SLC9A8: variants seen among roughly 807,000 people sequenced by gnomAD.
SLC9A8 encodes solute carrier family 9 member A8.
A neutral mutation model predicts 66.6 loss-of-function variants in SLC9A8; 48 were observed. The observed-to-expected ratio is 0.72, with a 90% CI of 0.57 to 0.92. The LOEUF (loss-of-function observed/expected upper bound fraction) is 0.92, where lower values mean the gene tolerates loss of function less well. Ranked by LOEUF, SLC9A8 falls within the 40% of genes least tolerant of loss-of-function variation. The probability of loss-of-function intolerance (pLI) is 0.00; values close to 1 mark genes in which losing one functional copy is unlikely to be tolerated. For missense variants in SLC9A8, 599 were observed against 747.3 expected (o/e 0.80, Z 2.31); for synonymous variants, 274 against 282.6 (o/e 0.97, Z 0.31).
rs1162576578 is a variant in SLC9A8, at chr20:49,874,801, G to C, written c.1055G>C (p.Arg352Pro). ...CAGATCCTCATGCAGCAGACCCTCC[G>C]CACCGTGGCCTTCTTATGTGGTGAG... ...VTQILMQQTL[R>P]TVAFLCETCV... Residue 352 changes from arginine to proline, a missense_variant, in exon 11 of 16, where the codon CGC (arginine) becomes CCC (proline). Arg to Pro is a moderately radical substitution (Grantham distance 103). Around this residue, in one of 2 missense-constraint regions of SLC9A8, gnomAD observed 467 missense variants for 626.5 expected, o/e 0.75. Transcript: ENST00000361573. 1 of 1,612,502 alleles carries C rather than the reference G, an allele frequency of 6.2e-7. No homozygotes were observed. Among genetic ancestry groups the C allele is most frequent in the Non-Finnish European group, 8.5e-7 (1 of 1,178,650 alleles).
intron 8 of SLC9A8, 85 bp downstream of exon 8, chr20:49,855,666 CA>C: frequency 5.4e-6 from 7 of 1,297,078 alleles, no homozygotes; most frequent in Non-Finnish European, 7.5e-6. Flanking sequence ...TTCCACACAG[CA>C]TGTGTACAGT....
At chr20:49,872,914 A>AT (rs1007136476) in intron 10 of SLC9A8, among the ~76,000 whole-genome samples, 1 of 152,134 alleles carries the variant, frequency 6.6e-6, no homozygotes, top group Non-Finnish European at 1.5e-5. Context: ...TTATTTGATG[A>AT]TTTTTTAAGA....
chr20:49,863,946 A>G (rs945965167), intron 9 of SLC9A8: 1 of 152,166 alleles, frequency 6.6e-6, no homozygotes, highest in African/African-American at 2.4e-5. Context: ...TTTTCCCATC[A>G]ACTCCTTTGT....
At chr20:49,834,381 A>G (rs1431127328) in intron 3 of SLC9A8, among the ~76,000 whole-genome samples, 1 of 57,610 alleles carries the variant, frequency 1.7e-5, no homozygotes, top group Non-Finnish European at 3.0e-5. Context: ...ATATATATAT[A>G]TACTGTGTAT....
intron 3 of SLC9A8, among the ~76,000 whole-genome samples, chr20:49,839,186 A>G (rs1232658683): frequency 6.6e-6 from 1 of 152,222 alleles, no homozygotes; most frequent in African/African-American, 2.4e-5. Context: ...AATAAACAGT[A>G]CACGGCAAAC....
chr20:49,873,735 C>T (rs1419466435), intron 10 of SLC9A8, among the ~76,000 whole-genome samples: 23 of 135,954 alleles, frequency 1.7e-4, no homozygotes, highest in African/African-American at 6.5e-4. Context: ...CACGCTATTG[C>T]ACTCCAGCCT....
chr20:49,830,722 A>G, intron 3 of SLC9A8: 1 of 705,534 alleles, frequency 1.4e-6, no homozygotes, highest in Non-Finnish European at 2.6e-6. Flanking sequence ...GAAGTTGGCA[A>G]CGCAGCCAAG....
In SLC9A8 at chr20:49,849,004, C is replaced by T. The variant is rs1258723907; in HGVS notation, c.433-575C>T. Among the ~76,000 whole-genome samples the T allele has an allele frequency of 3.9e-5, 6 of 152,150 alleles. No individual in the cohort carries two copies. In the South Asian group the frequency reaches 6.2e-4, roughly 16 times the overall value. ...AGTGCAAAATTGCAGTCTTGTCAAC[C>T]GCTACAAGAGAGGGTGACTGTGCAC... On this transcript the variant is annotated intron_variant, in intron 5 of 15. Transcript: ENST00000361573.
intron 14 of SLC9A8, among the ~76,000 whole-genome samples, chr20:49,885,034 G>A (rs556248594): frequency 6.6e-6 from 1 of 152,342 alleles, no homozygotes; most frequent in South Asian, 2.1e-4. Flanking sequence ...CTGGAGTCAG[G>A]GCTGGCAAGA....
intron 2 of SLC9A8, among the ~76,000 whole-genome samples, chr20:49,815,711 C>G (rs185171109): frequency 6.6e-6 from 1 of 151,932 alleles, no homozygotes; most frequent in Non-Finnish European, 1.5e-5. Context: ...CGCCGCTGCA[C>G]TCCAGCCTGG....
rs1335950099 is a variant in SLC9A8, at chr20:49,888,076, A to G, written c.*140A>G. The G allele has an allele frequency of 9.1e-6, 6 of 657,664 alleles. No individual in the cohort carries two copies. Among genetic ancestry groups the G allele is most frequent in the Non-Finnish European group, 1.6e-5 (6 of 377,520 alleles). The allele number at this position is 657,664 out of a possible 1,614,324, so 40.7% of individuals were successfully genotyped here. A position where few individuals can be genotyped will look rare whatever the true frequency, so the allele number is the denominator to read the frequency against. On this transcript the variant is annotated 3_prime_UTR_variant, in exon 16 of 16. Coordinates refer to ENST00000361573, the MANE Select transcript of SLC9A8 (RefSeq NM_015266.3). ...GAGGGCGGGGCGAGGTACTGGCTGCAGAGTCGCCTTAGTCCAGAACCTGAC... is the reference window on the plus strand; with the variant it reads ...GAGGGCGGGGCGAGGTACTGGCTGCGGAGTCGCCTTAGTCCAGAACCTGAC...
At chr20:49,815,767 A>G (rs1369431672) in intron 2 of SLC9A8, among the ~76,000 whole-genome samples, 3 of 151,978 alleles carry the variant, frequency 2.0e-5, no homozygotes, top group Non-Finnish European at 4.4e-5. Context: ...AATCTTGAAC[A>G]TCTAGTTTAA....
intron 13 of SLC9A8, among the ~76,000 whole-genome samples, chr20:49,882,335 C>T (rs945069910): frequency 6.6e-6 from 1 of 152,154 alleles, no homozygotes; most frequent in Admixed American, 6.5e-5. Flanking sequence ...AGGCGTCCGC[C>T]CCCGTCCTAG....
chr20:49,855,650 A>T, intron 8 of SLC9A8, 69 bp downstream of exon 8: 1 of 1,453,554 alleles, frequency 6.9e-7, no homozygotes. Context: ...ACAAAGGGGC[A>T]GATATTTCCA....
At chr20:49,885,748 C>T (rs2089865062) in intron 14 of SLC9A8, among the ~76,000 whole-genome samples, 7 of 152,188 alleles carry the variant, frequency 4.6e-5, no homozygotes, top group Admixed American at 4.6e-4. Flanking sequence ...CAGAAACTGG[C>T]GCTTTCATTA....
chr20:49,850,688 G>A lies in SLC9A8; in HGVS notation c.535-122G>A. The A allele has an allele frequency of 5.6e-6, 7 of 1,255,854 alleles. 1 individual carries two copies. In the South Asian group the frequency reaches 1.0e-4, roughly 19 times the overall value. The allele number at this position is 1,255,854 out of a possible 1,614,324, so 77.8% of individuals were successfully genotyped here. ...GGAGCTTTTATTTTTCAAGTGGTTT[G>A]GGAACTGAAGATTAATGTCCTTATT... is the stretch of plus-strand genomic sequence containing the variant. On this transcript the variant is annotated intron_variant, in intron 6 of 15. Coordinates refer to ENST00000361573, the MANE Select transcript of SLC9A8 (RefSeq NM_015266.3).
At chr20:49,833,581 A>G (rs1191079611) in intron 3 of SLC9A8, among the ~76,000 whole-genome samples, 2 of 152,208 alleles carry the variant, frequency 1.3e-5, no homozygotes, top group Non-Finnish European at 2.9e-5. Context: ...GAGCATTGGC[A>G]GTTCATTGTA....
intron 10 of SLC9A8, among the ~76,000 whole-genome samples, chr20:49,869,246 G>T (rs2089095885): frequency 6.6e-6 from 1 of 152,012 alleles, no homozygotes; most frequent in African/African-American, 2.4e-5. Context: ...TTGAGGCAGA[G>T]TTTCGCTCTG....
intron 13 of SLC9A8, among the ~76,000 whole-genome samples, chr20:49,882,325 A>G (rs2089655783): frequency 6.6e-6 from 1 of 152,050 alleles, no homozygotes; most frequent in Non-Finnish European, 1.5e-5. Context: ...CCTGGAGGGG[A>G]GGCGTCCGCC....
Sources: allele counts gnomAD v4.1 joint callset (sites outside exome capture counted in the v4.1 genomes callset), GRCh38; gene constraint gnomAD v4.1.1; regional missense constraint gnomAD v4.1.1; transcripts MANE v1.5; gene names NCBI Gene and HGNC (gene_info 2026-07-23, HGNC 2026-07-21).